SIRPB1: variants seen among roughly 807,000 people sequenced by gnomAD.
SIRPB1 encodes the protein signal-regulatory protein beta-1.
SIRPB1 carries 28 observed loss-of-function variants against 34.1 expected under a neutral mutation model. The ratio of observed to expected loss-of-function variants is 0.82; its 90% CI spans 0.61 to 1.12. The LOEUF (loss-of-function observed/expected upper bound fraction) is 1.12, where lower values mean the gene tolerates loss of function less well. Ranked by LOEUF, SIRPB1 falls within the 50% of genes most tolerant of loss-of-function variation. SIRPB1 has a pLI of 0.00. For missense variants in SIRPB1, 499 were observed against 507.0 expected, an observed-to-expected ratio of 0.98 and a Z score of 0.15; for synonymous variants, 211 against 203.8, an observed-to-expected ratio of 1.04 and a Z score of -0.30.
At position 1,565,349 on chromosome 20, in the gene SIRPB1, G is replaced by T; in HGVS notation, c.*151C>A. The T allele has an allele frequency of 3.8e-6, 1 of 264,554 alleles. No individual in the cohort carries two copies. The highest frequency in any genetic ancestry group is 7.1e-6 in the Non-Finnish European group (1 of 141,090). 16.4% of individuals were successfully genotyped at this position (264,554 alleles called of 1,614,324 possible). A position where few individuals can be genotyped will look rare whatever the true frequency, so the allele number is the denominator to read the frequency against. ...TAGAGACACTGCTTTGGGGCATCAT[G>T]GTCTTGTGAAGGTGGAACAGGAGCG... On this transcript the variant is annotated 3_prime_UTR_variant, in exon 6 of 6. Transcript: ENST00000381605.
Position 1,576,874 on chromosome 20 carries a change from C to T in SIRPB1, c.433+1464G>A, listed in dbSNP as rs563438152. 6.0e-5 allele frequency among the ~76,000 whole-genome samples: 9 copies of T among 148,808 alleles called. 1 individual carries two copies. Among genetic ancestry groups the T allele is most frequent in the African/African-American group, 2.2e-4 (9 of 41,020 alleles). Reference sequence around the variant, plus strand: ...TCCTCTGACCTAGAAACACCACTTCCAGTGGGAATCTCCCACCTGAGTAGG... The same window carrying T: ...TCCTCTGACCTAGAAACACCACTTCTAGTGGGAATCTCCCACCTGAGTAGG... On this transcript the variant is annotated intron_variant, in intron 2 of 5. Transcript: ENST00000381605.
Position 1,561,554 on chromosome 20 carries a change from A to G in SIRPB1, c.*3946T>C, listed in dbSNP as rs948826394. On this transcript the variant is annotated 3_prime_UTR_variant, in exon 6 of 6. Coordinates refer to ENST00000381605, the MANE Select transcript of SIRPB1 (RefSeq NM_006065.5). ...TTTCCTTGATTTTGATGACCTTGACAGTTTTGAGGAGTTCTGGGCCCGATG... is the reference window on the plus strand; with the variant it reads ...TTTCCTTGATTTTGATGACCTTGACGGTTTTGAGGAGTTCTGGGCCCGATG... Among the ~76,000 whole-genome samples the G allele has an allele frequency of 4.6e-5, 7 of 152,100 alleles. No homozygotes were observed. The highest frequency in any genetic ancestry group is 1.7e-4 in the African/African-American group (7 of 41,424).
rs1251597957 is a variant in SIRPB1 at position 1,610,164 on chromosome 20, C to T, written c.76+9705G>A. 1.4e-4 allele frequency among the ~76,000 whole-genome samples: 10 copies of T among 72,964 alleles called. 4 individuals are homozygous for T. Among genetic ancestry groups the T allele is most frequent in the Non-Finnish European group, 2.6e-4 (10 of 38,812 alleles). The allele number at this position is 72,964 out of a possible 152,430, so 47.9% of individuals were successfully genotyped here. ...TCCAATCACAAACAAGCTTTAGTAT[C>T]TGAATGTGAGGTGCATTCTTAACAT... On this transcript the variant is annotated intron_variant, in intron 1 of 5. Transcript: ENST00000381605.
Position 1,600,002 on chromosome 20 carries a change from G to A in SIRPB1, c.76+19867C>T, listed in dbSNP as rs1315391169. Among the ~76,000 whole-genome samples, 2 of 50,226 alleles carry A rather than the reference G, an allele frequency of 4.0e-5. 1 individual carries two copies. Among genetic ancestry groups the A allele is most frequent in the East Asian group, 1.1e-3 (2 of 1,762 alleles). 33.0% of individuals were successfully genotyped at this position (50,226 alleles called of 152,430 possible). ...TCTACATGCAGCAAGCAACTAACATGCTTTTTGGTTATATGAAGATGGCTT... is the reference window on the plus strand; with the variant it reads ...TCTACATGCAGCAAGCAACTAACATACTTTTTGGTTATATGAAGATGGCTT... On this transcript the variant is annotated intron_variant, in intron 1 of 5. Transcript: ENST00000381605.
intron 1 of SIRPB1, among the ~76,000 whole-genome samples, chr20:1,615,385 G>A (rs528466923): frequency 6.6e-6 from 1 of 152,094 alleles, no homozygotes; most frequent in African/African-American, 2.4e-5. Flanking sequence ...TCCAGATCTG[G>A]GGAGCATACT....
chr20:1,565,555 C>T (rs2091115475), intron 5 of SIRPB1, 58 bp from the exon 6 acceptor site: 1 of 81,830 alleles, frequency 1.2e-5, no homozygotes, highest in Non-Finnish European at 2.1e-5. Flanking sequence ...ATTCATTCAT[C>T]TGCTCATCAT....
chr20:1,611,737 A>G (rs1568706943), intron 1 of SIRPB1: 1 of 776,560 alleles, frequency 1.3e-6, no homozygotes, highest in Non-Finnish European at 1.7e-6. Flanking sequence ...CAAAGCAGTC[A>G]TTTTTTCATC....
In SIRPB1 at chr20:1,604,126, C is replaced by T; in HGVS notation, c.76+15743G>A. The T allele has an allele frequency of 3.3e-6, 2 of 602,152 alleles. 1 individual carries two copies. The allele number at this position is 602,152 out of a possible 1,614,324, so 37.3% of individuals were successfully genotyped here. On this transcript the variant is annotated intron_variant, in intron 1 of 5. Coordinates refer to ENST00000381605, the MANE Select transcript of SIRPB1 (RefSeq NM_006065.5). Reference sequence around the variant, plus strand: ...CTGCCCTCACGGGCTGTTGAGTAACCTCCAAGGTGGGTGGAACTGAAACAG... The same window carrying T: ...CTGCCCTCACGGGCTGTTGAGTAACTTCCAAGGTGGGTGGAACTGAAACAG...
chr20:1,577,065 T>C (rs1568688956), intron 2 of SIRPB1, among the ~76,000 whole-genome samples: 1 of 148,486 alleles, frequency 6.7e-6, no homozygotes, highest in Non-Finnish European at 1.5e-5. Flanking sequence ...TATGTCCTGA[T>C]GTGGAATCTC....
rs143907830 is a variant in SIRPB1 at position 1,617,761 on chromosome 20, A to C, written c.76+2108T>G. On this transcript the variant is annotated intron_variant, in intron 1 of 5. Coordinates refer to ENST00000381605, the MANE Select transcript of SIRPB1 (RefSeq NM_006065.5). ...TCAAATTAGGCATTCTGCAATGTAC[A>C]CATATTTCATTAATATGGTATACAT... Among the ~76,000 whole-genome samples the C allele has an allele frequency of 1.6e-3, 237 of 152,338 alleles. 1 individual carries two copies. The highest frequency in any genetic ancestry group is 3.4e-3 in the Middle Eastern group (1 of 294).
At chr20:1,578,117 G>C in intron 2 of SIRPB1, 1 of 570,952 alleles carries the variant, frequency 1.8e-6, no homozygotes. Flanking sequence ...GCAGACTGGG[G>C]ATGCCTTCTG....
At chr20:1,570,682 T>G in intron 4 of SIRPB1, 123 bp downstream of exon 4, 1 of 860,998 alleles carries the variant, frequency 1.2e-6, no homozygotes, top group South Asian at 1.7e-5. Context: ...GTGTAGGATT[T>G]TAATGTAGAC....
chr20:1,619,055 C>T (rs916352740), intron 1 of SIRPB1, among the ~76,000 whole-genome samples: 3 of 152,122 alleles, frequency 2.0e-5, no homozygotes, highest in Admixed American at 2.0e-4. Context: ...AGGACACAGA[C>T]ACACACAGAG....
chr20:1,572,815 T>A (rs762599391), intron 2 of SIRPB1, among the ~76,000 whole-genome samples: 1 of 151,908 alleles, frequency 6.6e-6, no homozygotes, highest in Non-Finnish European at 1.5e-5. Context: ...AGCATTGGAA[T>A]CACACCTGCT....
At chr20:1,577,530 C>T (rs1352661877) in intron 2 of SIRPB1, among the ~76,000 whole-genome samples, 1 of 147,652 alleles carries the variant, frequency 6.8e-6, no homozygotes, top group African/African-American at 2.5e-5. Flanking sequence ...ATATGGGGAA[C>T]CCCTAAGTCA....
intron 1 of SIRPB1, among the ~76,000 whole-genome samples, chr20:1,614,636 C>T (rs115581271): frequency 0.011 from 1,628 of 152,134 alleles, 28 homozygotes; most frequent in African/African-American, 0.037. Context: ...GCCTGCCCTA[C>T]TTCCTTCTCT....
rs538011509 is a variant in SIRPB1 at position 1,577,075 on chromosome 20, C to T, written c.433+1263G>A. Among the ~76,000 whole-genome samples, 2 of 148,120 alleles carry T rather than the reference C, an allele frequency of 1.4e-5. 1 individual carries two copies. Among genetic ancestry groups the T allele is most frequent in the Non-Finnish European group, 3.0e-5 (2 of 66,158 alleles). ...TTCTCTATGTCCTGATGTGGAATCT[C>T]GATATGAAATGACAGGGCTTACATT... On this transcript the variant is annotated intron_variant, in intron 2 of 5. Coordinates refer to ENST00000381605, the MANE Select transcript of SIRPB1 (RefSeq NM_006065.5).
chr20:1,609,140 T>TACTTCACTAGGAGTGAGC (rs1324421985), intron 1 of SIRPB1, among the ~76,000 whole-genome samples: 1 of 58,658 alleles, frequency 1.7e-5, no homozygotes, highest in Non-Finnish European at 3.1e-5. Flanking sequence ...GAGGAGTGAG[T>TACTTCACTAGGAGTGAGC]ACTTCACTAG....
rs563446224 is a variant in SIRPB1 at position 1,568,039 on chromosome 20, G to A, written c.1085-1772C>T. On this transcript the variant is annotated intron_variant, in intron 4 of 5. Transcript: ENST00000381605. ...ATAGGGCCCTGATGGGGAAGTTGTG[G>A]GACCCTGAAATGTGGAAGGAGACAT... 2.6e-5 allele frequency among the ~76,000 whole-genome samples: 4 copies of A among 152,264 alleles called. No homozygotes were observed. In the South Asian group the frequency reaches 8.3e-4, roughly 32 times the overall value.
Sources: gnomAD v4.1 joint callset for allele counts (sites outside exome capture counted in the v4.1 genomes callset) on GRCh38, gnomAD v4.1.1 for gene constraint, MANE v1.5 for transcripts, NCBI Gene and HGNC (gene_info 2026-07-23, HGNC 2026-07-21) for gene names.